Variants in GPC6 observed in about 807,000 individuals in gnomAD.
The protein encoded by GPC6 is glypican-6.
GPC6 carries 14 observed loss-of-function variants against 55.2 expected under a neutral mutation model. The observed-to-expected ratio is 0.25, with a 90% CI of 0.17 to 0.40. The LOEUF (loss-of-function observed/expected upper bound fraction) is 0.40. GPC6 is among the 10% of genes least tolerant of loss of function. The pLI, the probability that GPC6 is intolerant of heterozygous loss-of-function variation, is 1.00. For missense variants in GPC6, 641 were observed against 708.5 expected (o/e 0.90, Z 1.08); for synonymous variants, 278 against 259.6 (o/e 1.07, Z -0.68).
rs536372581 is a variant in GPC6, at chr13:94,325,724, T to A, written c.1152+19601T>A. On this transcript the variant is annotated intron_variant, in intron 6 of 8. Coordinates refer to ENST00000377047, the MANE Select transcript of GPC6 (RefSeq NM_005708.5). The stretch of plus-strand genomic sequence containing the variant: ...GTCTTCTGGGTTCAAATAATTGCAT[T>A]TTCTTGGATTGAGGTCAGCTCCTTC... Among the ~76,000 whole-genome samples, 7 of 152,338 alleles carry A rather than the reference T, an allele frequency of 4.6e-5. No homozygotes were observed. In the South Asian group the frequency reaches 1.5e-3, roughly 32 times the overall value.
At chr13:93,851,566 G>C (rs1432680389) in intron 3 of GPC6, among the ~76,000 whole-genome samples, 2 of 151,850 alleles carry the variant, frequency 1.3e-5, no homozygotes. Flanking sequence ...TTTTATGAAA[G>C]TCTTCTTTTA....
intron 2 of GPC6, among the ~76,000 whole-genome samples, chr13:93,806,494 C>T (rs780779222): frequency 6.6e-6 from 1 of 152,150 alleles, no homozygotes; most frequent in African/African-American, 2.4e-5. Flanking sequence ...TACATACCAC[C>T]ATGGCCAGCT....
chr13:93,912,544 C>T (rs536261768), intron 3 of GPC6, among the ~76,000 whole-genome samples: 11 of 152,180 alleles, frequency 7.2e-5, no homozygotes, highest in South Asian at 2.1e-4. Context: ...GAGATCGAGA[C>T]CATCCTGGCT....
chr13:93,675,557 A>G (rs925927257), intron 2 of GPC6, among the ~76,000 whole-genome samples: 6 of 152,090 alleles, frequency 3.9e-5, no homozygotes, highest in African/African-American at 9.7e-5. Context: ...TTTGTTTCCA[A>G]TCTGTGCTAG....
At chr13:94,365,600 C>G (rs1216176610) in intron 6 of GPC6, among the ~76,000 whole-genome samples, 1 of 152,182 alleles carries the variant, frequency 6.6e-6, no homozygotes, top group Non-Finnish European at 1.5e-5. Context: ...CAATCCGTCT[C>G]TACCCTAAAT....
At chr13:93,651,856 C>T (rs539623493) in intron 2 of GPC6, among the ~76,000 whole-genome samples, 5 of 152,298 alleles carry the variant, frequency 3.3e-5, no homozygotes, top group South Asian at 2.1e-4. Flanking sequence ...CAAACACCGA[C>T]GTCCATATTC....
chr13:93,503,871 C>T (rs769207483), intron 1 of GPC6, among the ~76,000 whole-genome samples: 7 of 152,122 alleles, frequency 4.6e-5, no homozygotes, highest in Non-Finnish European at 1.0e-4. Context: ...ATGACATTGA[C>T]ATTTTCATAT....
intron 1 of GPC6, among the ~76,000 whole-genome samples, chr13:93,412,380 G>A (rs1177944553): frequency 6.6e-6 from 1 of 152,140 alleles, no homozygotes; most frequent in Non-Finnish European, 1.5e-5. Flanking sequence ...GCCAAGCCGG[G>A]CACAGTGAAT....
chr13:93,818,599 T>A (rs904215279), intron 2 of GPC6: 1 of 152,100 alleles, frequency 6.6e-6, no homozygotes, highest in African/African-American at 2.4e-5. Flanking sequence ...GTCCTGTAAT[T>A]GATGTAAGCA....
chr13:94,223,715 G>C (rs1322198885), intron 4 of GPC6, among the ~76,000 whole-genome samples: 2 of 152,114 alleles, frequency 1.3e-5, no homozygotes, highest in Non-Finnish European at 2.9e-5. Flanking sequence ...AGCAAACTTA[G>C]GCTCAGATAG....
rs368276251 is a variant in GPC6, at chr13:93,373,997, CT to C, written c.160+146383del. Among the ~76,000 whole-genome samples the C allele has an allele frequency of 4.3e-3, 661 of 152,156 alleles. 6 individuals are homozygous for C. Among genetic ancestry groups the C allele is most frequent in the African/African-American group, 0.015 (630 of 41,524 alleles). On this transcript the variant is annotated intron_variant, in intron 1 of 8. Coordinates refer to ENST00000377047, the MANE Select transcript of GPC6 (RefSeq NM_005708.5). Reference sequence around the variant, plus strand: ...TTCTATATAAAATATAATTGCTGCCCTTATGGGCTTTATAATCTAGGGATCT... The same window carrying C: ...TTCTATATAAAATATAATTGCTGCCCTATGGGCTTTATAATCTAGGGATCT...
At chr13:93,295,568 C>T (rs1325304896) in intron 1 of GPC6, among the ~76,000 whole-genome samples, 1 of 151,950 alleles carries the variant, frequency 6.6e-6, no homozygotes, top group African/African-American at 2.4e-5. Context: ...GCAAGCTTCG[C>T]CTCCCAGGTT....
intron 3 of GPC6, among the ~76,000 whole-genome samples, chr13:93,997,252 A>G (rs1881596927): frequency 6.6e-6 from 1 of 152,194 alleles, no homozygotes; most frequent in South Asian, 2.1e-4. Flanking sequence ...TTTGAGCTAC[A>G]TCTGTGCCTT....
chr13:93,764,936 A>C (rs1885066680), intron 2 of GPC6, among the ~76,000 whole-genome samples: 1 of 152,098 alleles, frequency 6.6e-6, no homozygotes, highest in Non-Finnish European at 1.5e-5. Context: ...AGTAGCTGGG[A>C]CTACAGGCGC....
chr13:93,544,063 C>A (rs541712349), intron 1 of GPC6, among the ~76,000 whole-genome samples: 3 of 151,084 alleles, frequency 2.0e-5, no homozygotes, highest in Non-Finnish European at 2.9e-5. Flanking sequence ...TGATTAGTCA[C>A]GGTGAGCCTT....
intron 4 of GPC6, among the ~76,000 whole-genome samples, chr13:94,234,091 A>G (rs747211495): frequency 7.9e-5 from 12 of 152,302 alleles, no homozygotes; most frequent in Middle Eastern, 3.4e-3. Flanking sequence ...CATGGCCTAC[A>G]TAATCTTATT....
At chr13:93,221,830 C>T (rs541438996), upstream of GPC6, among the ~76,000 whole-genome samples, 1 of 152,264 alleles carries the variant, frequency 6.6e-6, no homozygotes, top group East Asian at 1.9e-4. Context: ...TGATTTGTGC[C>T]AAGCTGAGAT....
intron 4 of GPC6, among the ~76,000 whole-genome samples, chr13:94,282,545 G>A (rs1234199250): frequency 6.6e-6 from 1 of 152,188 alleles, no homozygotes; most frequent in African/African-American, 2.4e-5. Flanking sequence ...CCATATCACT[G>A]TGGACCAGAA....
chr13:94,088,422 C>T (rs1206301474), intron 4 of GPC6, among the ~76,000 whole-genome samples: 1 of 151,932 alleles, frequency 6.6e-6, no homozygotes, highest in Non-Finnish European at 1.5e-5. Context: ...CATGGTGGCT[C>T]ACACCCGTAA....
Sources: gnomAD v4.1 joint callset for allele counts (sites outside exome capture counted in the v4.1 genomes callset) on GRCh38, gnomAD v4.1.1 for gene constraint, MANE v1.5 for transcripts, NCBI Gene and HGNC (gene_info 2026-07-23, HGNC 2026-07-21) for gene names.